Variants in CHD2 observed in about 807,000 individuals in gnomAD.
CHD2 encodes ATP-dependent chromatin remodeler CHD2.
A neutral mutation model predicts 243.9 loss-of-function variants in CHD2; 28 were observed. The observed-to-expected ratio is 0.11, with a 90% CI of 0.09 to 0.16. The LOEUF (loss-of-function observed/expected upper bound fraction) is 0.16, where lower values mean the gene tolerates loss of function less well. Ranked by LOEUF, CHD2 falls within the 10% of genes least tolerant of loss-of-function variation. The pLI, the probability that CHD2 is intolerant of heterozygous loss-of-function variation, is 1.00. For synonymous variants in CHD2, 775 were observed against 779.0 expected (o/e 0.99, Z 0.09); for missense variants, 1,386 against 2,209.8 (o/e 0.63, Z 7.47).
intron 14 of CHD2, among the ~76,000 whole-genome samples, chr15:92,954,541 T>G (rs1177525451): frequency 6.6e-6 from 1 of 152,252 alleles, no homozygotes; most frequent in Non-Finnish European, 1.5e-5. Flanking sequence ...GCTGATTTCA[T>G]TGGCCTAATT....
intron 5 of CHD2, among the ~76,000 whole-genome samples, chr15:92,933,222 G>A (rs546982640): frequency 6.6e-6 from 1 of 152,202 alleles, no homozygotes; most frequent in Non-Finnish European, 1.5e-5. Context: ...TACTTTTAAA[G>A]CTTAGAAGAA....
At chr15:93,015,811 T>C (rs1287971783) in intron 37 of CHD2, among the ~76,000 whole-genome samples, 1 of 152,168 alleles carries the variant, frequency 6.6e-6, no homozygotes, top group African/African-American at 2.4e-5. Context: ...CGATGAGATA[T>C]CACTTCACAC....
chr15:92,967,827 G>A (rs910592813), intron 17 of CHD2, among the ~76,000 whole-genome samples: 1 of 151,902 alleles, frequency 6.6e-6, no homozygotes, highest in Non-Finnish European at 1.5e-5. Flanking sequence ...CAATACTGTT[G>A]TTATGTCTAA....
At chr15:92,952,019 G>T (rs934305004) in intron 13 of CHD2, among the ~76,000 whole-genome samples, 1 of 152,038 alleles carries the variant, frequency 6.6e-6, no homozygotes, top group Non-Finnish European at 1.5e-5. Flanking sequence ...TTATATATAC[G>T]TGCAAACTTT....
At chr15:92,904,930 AT>A in intron 2 of CHD2, 1 of 1,536,038 alleles carries the variant, frequency 6.5e-7, no homozygotes, top group Non-Finnish European at 8.7e-7. Context: ...CAAAGGGAAG[AT>A]TATTTGAACT....
chr15:92,905,846 G>T (rs1596363738), intron 2 of CHD2, among the ~76,000 whole-genome samples: 1 of 152,166 alleles, frequency 6.6e-6, no homozygotes, highest in African/African-American at 2.4e-5. Context: ...ACGTTTAACT[G>T]TAGCTTCCAA....
chr15:92,919,211 G>C (rs980861113), intron 2 of CHD2, among the ~76,000 whole-genome samples: 3 of 152,150 alleles, frequency 2.0e-5, no homozygotes, highest in African/African-American at 4.8e-5. Flanking sequence ...ATCCAGGCTG[G>C]AGTGCAGTGG....
intron 24 of CHD2, among the ~76,000 whole-genome samples, chr15:92,984,090 CT>C (rs907510702): frequency 2.0e-5 from 3 of 152,094 alleles, no homozygotes; most frequent in Admixed American, 6.6e-5. Flanking sequence ...CAATTTGTAT[CT>C]TTGTAGCTGT....
intron 23 of CHD2, 27 bp from the exon 24 acceptor site, chr15:92,981,338 T>C (rs765875498): frequency 3.8e-6 from 6 of 1,561,978 alleles, no homozygotes; most frequent in Non-Finnish European, 5.3e-6. Flanking sequence ...CATTTTATTC[T>C]ATTCGTGTTG....
chr15:92,970,492 G>A (rs1177928814), intron 17 of CHD2, among the ~76,000 whole-genome samples: 2 of 152,106 alleles, frequency 1.3e-5, no homozygotes, highest in African/African-American at 2.4e-5. Context: ...GTGAGCCACC[G>A]CACCTGGCCC....
chr15:92,999,038 CGG>C (rs1310070941), intron 31 of CHD2, among the ~76,000 whole-genome samples: 1 of 127,510 alleles, frequency 7.8e-6, no homozygotes, highest in African/African-American at 3.1e-5. Flanking sequence ...GAGCCGAGTT[CGG>C]GCCACTGCAC....
Position 92,985,720 on chromosome 15 carries a change from T to C in CHD2, c.3413+47T>C, listed in dbSNP as rs374791208. ...ACTGAGCTTGTTTGAAAGTGCGTACTGTAAGTCTTGGGTTGACTGGATCCT... is the reference window on the plus strand; with the variant it reads ...ACTGAGCTTGTTTGAAAGTGCGTACCGTAAGTCTTGGGTTGACTGGATCCT... On this transcript the variant is annotated intron_variant, in intron 26 of 38. Coordinates refer to ENST00000394196, the MANE Select transcript of CHD2 (RefSeq NM_001271.4). The C allele has an allele frequency of 5.5e-4, 867 of 1,566,856 alleles. 2 individuals are homozygous for C. The highest frequency in any genetic ancestry group is 7.0e-4 in the Non-Finnish European group (811 of 1,156,164).
rs914182475 is a variant in CHD2, at chr15:92,955,591, G to C, written c.1809+79G>C. 3 of 822,400 alleles carry C rather than the reference G, an allele frequency of 3.6e-6. No individual in the cohort carries two copies. In the African/African-American group the frequency reaches 5.5e-5, roughly 15 times the overall value. 50.9% of individuals were successfully genotyped at this position (822,400 alleles called of 1,614,324 possible). On this transcript the variant is annotated intron_variant, in intron 15 of 38. Transcript: ENST00000394196. ...TGGTAGGGTCTGTTACTGTTCTGTGGAGCATGTTAGAAATAAATACTTGAA... is the reference window on the plus strand; with the variant it reads ...TGGTAGGGTCTGTTACTGTTCTGTGCAGCATGTTAGAAATAAATACTTGAA...
At chr15:92,989,184 A>G (rs996123442) in intron 26 of CHD2, among the ~76,000 whole-genome samples, 2 of 152,024 alleles carry the variant, frequency 1.3e-5, no homozygotes, top group Non-Finnish European at 2.9e-5. Context: ...GGTGCCCACC[A>G]CAATGCCCAG....
At chr15:92,908,994 C>G (rs2052676076) in intron 2 of CHD2, among the ~76,000 whole-genome samples, 1 of 151,960 alleles carries the variant, frequency 6.6e-6, no homozygotes, top group African/African-American at 2.4e-5. Context: ...TGGTGGGTGC[C>G]TGTAGTCCCA....
chr15:92,932,836 T>TCCTCCGCCTCCTG (rs11267768), intron 5 of CHD2, among the ~76,000 whole-genome samples: 1 of 151,822 alleles, frequency 6.6e-6, no homozygotes, highest in Non-Finnish European at 1.5e-5. Flanking sequence ...CAGCTCACTG[T>TCCTCCGCCTCCTG]GACTCAAGTG....
chr15:92,940,809 A>G (rs1055529113), intron 7 of CHD2, among the ~76,000 whole-genome samples: 7 of 142,098 alleles, frequency 4.9e-5, no homozygotes, highest in Middle Eastern at 3.6e-3. Context: ...ATAAATAAAT[A>G]TAAATATATA....
At chr15:92,984,619 G>C (rs765679905) in intron 25 of CHD2, 119 bp downstream of exon 25, 11 of 842,064 alleles carry the variant, frequency 1.3e-5, no homozygotes, top group Non-Finnish European at 1.9e-5. Context: ...TTCAGGAGCA[G>C]AGTTGATACT....
At position 92,914,287 on chromosome 15, in the gene CHD2, A is replaced by G. The variant is rs149373692; in HGVS notation, c.63-10034A>G. Among the ~76,000 whole-genome samples the G allele has an allele frequency of 1.2e-3, 181 of 152,354 alleles. 6 individuals are homozygous for G. In the East Asian group the frequency reaches 0.034, roughly 29 times the overall value. ...GCTTTTCACAGCTTGGTTATTTACA[A>G]AGACTTTTGATTTTACCTGAATAGA... On this transcript the variant is annotated intron_variant, in intron 2 of 38. Coordinates refer to ENST00000394196, the MANE Select transcript of CHD2 (RefSeq NM_001271.4).
Sources: allele counts gnomAD v4.1 joint callset (sites outside exome capture counted in the v4.1 genomes callset), GRCh38; gene constraint gnomAD v4.1.1; transcripts MANE v1.5; gene names NCBI Gene and HGNC (gene_info 2026-07-23, HGNC 2026-07-21).